The following SGCD variants were observed in gnomAD, a reference collection of about 807,000 sequenced individuals.
The protein encoded by SGCD is sarcoglycan delta.
In SGCD, 18 loss-of-function variants were observed where a neutral mutation model predicts 36.6. The ratio of observed to expected loss-of-function variants is 0.49; its 90% CI spans 0.34 to 0.73. The LOEUF (loss-of-function observed/expected upper bound fraction) is 0.73, where lower values mean the gene tolerates loss of function less well. SGCD is among the 30% of genes least tolerant of loss of function. The probability of loss-of-function intolerance (pLI) is 0.01; values close to 1 mark genes in which losing one functional copy is unlikely to be tolerated. For missense variants in SGCD, 387 were observed against 346.7 expected (o/e 1.12, Z -0.92); for synonymous variants, 133 against 130.6 (o/e 1.02, Z -0.12).
intron 3 of SGCD, among the ~76,000 whole-genome samples, chr5:156,146,010 G>T (rs932867178): frequency 6.6e-6 from 1 of 152,072 alleles, no homozygotes; most frequent in East Asian, 1.9e-4. Context: ...TCAGGAGATC[G>T]AGACCATCCT....
intron 7 of SGCD, among the ~76,000 whole-genome samples, chr5:156,670,053 T>C (rs1246836337): frequency 6.6e-6 from 1 of 152,150 alleles, no homozygotes; most frequent in Non-Finnish European, 1.5e-5. Flanking sequence ...AGAGGGGCAA[T>C]GTGACTACAT....
chr5:156,462,853 A>T (rs1754546353), intron 3 of SGCD, among the ~76,000 whole-genome samples: 1 of 152,146 alleles, frequency 6.6e-6, no homozygotes, highest in South Asian at 2.1e-4. Flanking sequence ...CCCTAATAGA[A>T]TTGTATGAGT....
intron 4 of SGCD, among the ~76,000 whole-genome samples, chr5:156,540,377 G>A (rs1054546429): frequency 2.6e-5 from 4 of 152,054 alleles, no homozygotes; most frequent in African/African-American, 9.7e-5. Flanking sequence ...ACTCTCTGGG[G>A]CAAGGAATTG....
At chr5:155,856,662 A>G in the SGCD span, among the ~76,000 whole-genome samples, 1 of 151,884 alleles carries the variant, frequency 6.6e-6, no homozygotes, top group East Asian at 1.9e-4. Context: ...AGAAAACAAA[A>G]CACTTGGAAT....
intron 1 of SGCD, among the ~76,000 whole-genome samples, chr5:156,071,919 TA>T (rs1461874758): frequency 2.0e-5 from 3 of 152,118 alleles, no homozygotes; most frequent in African/African-American, 7.2e-5. Context: ...TTTGTTGGTT[TA>T]AAGTCTGTTT....
chr5:155,930,765 A>G (rs1757083600), intron 1 of SGCD, among the ~76,000 whole-genome samples: 1 of 152,196 alleles, frequency 6.6e-6, no homozygotes, highest in African/African-American at 2.4e-5. Context: ...TCCAATTAAA[A>G]TATTTTGCAA....
chr5:156,348,337 G>A (rs1193054194), intron 3 of SGCD, among the ~76,000 whole-genome samples: 1 of 152,068 alleles, frequency 6.6e-6, no homozygotes, highest in Non-Finnish European at 1.5e-5. Context: ...CCGATTACAT[G>A]AGCATATACC....
chr5:156,625,449 C>T (rs1194157804), intron 6 of SGCD, among the ~76,000 whole-genome samples: 3 of 152,148 alleles, frequency 2.0e-5, no homozygotes, highest in African/African-American at 4.8e-5. Flanking sequence ...GAGATGTATG[C>T]AACAACTTGA....
At chr5:156,487,968 A>G (rs1034021698) in intron 3 of SGCD, among the ~76,000 whole-genome samples, 45 of 146,992 alleles carry the variant, frequency 3.1e-4, no homozygotes, top group Admixed American at 1.1e-3. Context: ...TATTATATAT[A>G]TATATATATA....
the SGCD span, among the ~76,000 whole-genome samples, chr5:155,805,979 G>A: frequency 6.6e-6 from 1 of 152,190 alleles, no homozygotes. Context: ...ACAGGCAGTA[G>A]CAGCTAAGAT....
chr5:156,072,959 C>T lies in SGCD; in HGVS notation c.-281-44919C>T, dbSNP rs184602208. Among the ~76,000 whole-genome samples, 535 of 152,260 alleles carry T rather than the reference C, an allele frequency of 3.5e-3. 3 individuals are homozygous for T. The highest frequency in any genetic ancestry group is 4.8e-3 in the Non-Finnish European group (324 of 68,026). On this transcript the variant is annotated intron_variant, in intron 1 of 9. Coordinates refer to the SGCD transcript ENST00000517913. ...GCTTCTGCATTCTTCACGTAGTTCTCGAGCCTTGGCTTTCAGCTCCATCAG... is the reference window on the plus strand; with the variant it reads ...GCTTCTGCATTCTTCACGTAGTTCTTGAGCCTTGGCTTTCAGCTCCATCAG...
chr5:156,340,980 C>T lies in SGCD; in HGVS notation c.4-3509C>T, dbSNP rs537305549. ...AAGGCCTCCTTTTATAATTATTTGT[C>T]AAAAAGTGCTCATCCCCTTCACTGT... On this transcript the variant is annotated intron_variant, in intron 2 of 8. Coordinates refer to ENST00000337851, the MANE Select transcript of SGCD (RefSeq NM_000337.6). 9.2e-5 allele frequency among the ~76,000 whole-genome samples: 14 copies of T among 152,208 alleles called. No homozygotes were observed. The South Asian group carries it at 2.7e-3, about 29-fold the overall frequency.
chr5:156,294,212 A>C (rs1051640946), intron 3 of SGCD, among the ~76,000 whole-genome samples: 3 of 149,350 alleles, frequency 2.0e-5, no homozygotes, highest in African/African-American at 7.7e-5. Context: ...TGAATTTGTT[A>C]GTTATAACAG....
intron 6 of SGCD, among the ~76,000 whole-genome samples, chr5:156,641,732 G>A (rs1469081514): frequency 6.6e-6 from 1 of 152,026 alleles, no homozygotes; most frequent in African/African-American, 2.4e-5. Flanking sequence ...TCCTCCCGTG[G>A]GCCCTGTGAT....
chr5:155,773,273 T>C, the SGCD span, among the ~76,000 whole-genome samples: 1 of 152,320 alleles, frequency 6.6e-6, no homozygotes, highest in African/African-American at 2.4e-5. Flanking sequence ...TCTTTCTTTA[T>C]GCCATACCTT....
At chr5:155,880,842 T>G (rs1417697222) in intron 1 of SGCD, among the ~76,000 whole-genome samples, 1 of 152,122 alleles carries the variant, frequency 6.6e-6, no homozygotes, top group Non-Finnish European at 1.5e-5. Flanking sequence ...AGGACATAGA[T>G]TGGTTAATAT....
intron 5 of SGCD, among the ~76,000 whole-genome samples, chr5:156,591,530 T>C (rs1264000408): frequency 6.6e-6 from 1 of 151,998 alleles, no homozygotes; most frequent in African/African-American, 2.4e-5. Context: ...AGGGTTCTAG[T>C]GTTAAGAGAG....
chr5:156,367,427 GA>G, intron 3 of SGCD, among the ~76,000 whole-genome samples: 1 of 152,146 alleles, frequency 6.6e-6, no homozygotes, highest in Non-Finnish European at 1.5e-5. Context: ...ACCTTGAGAG[GA>G]AAGGGTAGGA....
chr5:155,991,712 A>C (rs1758435392), intron 1 of SGCD, among the ~76,000 whole-genome samples: 1 of 152,166 alleles, frequency 6.6e-6, no homozygotes, highest in Non-Finnish European at 1.5e-5. Context: ...CTTCATTTCA[A>C]CATTATCTCA....
Sources: allele counts gnomAD v4.1 joint callset (sites outside exome capture counted in the v4.1 genomes callset), GRCh38; gene constraint gnomAD v4.1.1; transcripts MANE v1.5; gene names NCBI Gene and HGNC (gene_info 2026-07-23, HGNC 2026-07-21).